The following TBL1X variants were observed in gnomAD, a reference collection of about 807,000 sequenced individuals.
The protein encoded by TBL1X is F-box-like/WD repeat-containing protein TBL1X.
Under a neutral mutation model 50.7 loss-of-function variants are expected in TBL1X, and 10 were observed. The ratio of observed to expected loss-of-function variants is 0.20; its 90% confidence interval spans 0.12 to 0.33. TBL1X has a LOEUF of 0.33. TBL1X is among the 10% of genes least tolerant of loss of function. The pLI, the probability that TBL1X is intolerant of heterozygous loss-of-function variation, is 1.00. For missense variants in TBL1X, 340 were observed against 504.4 expected (o/e 0.67, Z 3.12); for synonymous variants, 190 against 214.7 (o/e 0.88, Z 1.01).
chrX:9,632,634 A>G (rs1307277248), intron 2 of TBL1X, among the ~76,000 whole-genome samples: 1 of 111,890 alleles, frequency 8.9e-6, no homozygotes, highest in Non-Finnish European at 1.9e-5. Context: ...GTGTTTTATT[A>G]ATGAACACTA....
intron 2 of TBL1X, among the ~76,000 whole-genome samples, chrX:9,505,766 A>G (rs1373631513): frequency 5.3e-5 from 6 of 112,506 alleles, no homozygotes; most frequent in African/African-American, 1.9e-4. Flanking sequence ...CTAAATGTAT[A>G]TATATGCACC....
chrX:9,501,438 T>C (rs1042399797), intron 1 of TBL1X, among the ~76,000 whole-genome samples: 3 of 111,777 alleles, frequency 2.7e-5, no homozygotes, highest in African/African-American at 9.8e-5. Flanking sequence ...AGCTTTATGA[T>C]TGAGTTTGGG....
At position 9,656,974 on chromosome X, in the gene TBL1X, G is replaced by A. The variant is rs566531113; in HGVS notation, c.211+2652G>A. ...TTCCCTGATCATGCTTCCTCCTCAA[G>A]CACCTGTACTCTTACTCCTGCACCC... On this transcript the variant is annotated intron_variant, in intron 5 of 17. Coordinates refer to ENST00000645353, the MANE Select transcript of TBL1X (RefSeq NM_005647.4). Among the ~76,000 whole-genome samples the A allele has an allele frequency of 5.4e-5, 6 of 111,760 alleles. No individual in the cohort carries two copies. The South Asian group carries it at 1.1e-3, about 21-fold the overall frequency.
intron 16 of TBL1X, among the ~76,000 whole-genome samples, chrX:9,714,306 G>A (rs2083265522): frequency 8.9e-6 from 1 of 112,372 alleles, no homozygotes; most frequent in East Asian, 2.8e-4. Flanking sequence ...ATGAATTACA[G>A]TCAATTTAAT....
chrX:9,591,028 A>C (rs1182111605), intron 2 of TBL1X, among the ~76,000 whole-genome samples: 2 of 109,613 alleles, frequency 1.8e-5, no homozygotes, highest in Non-Finnish European at 3.8e-5. Context: ...GGAAAGGAGT[A>C]ATCTACCAGG....
At chrX:9,493,927 C>T (rs182366172) in intron 1 of TBL1X, among the ~76,000 whole-genome samples, 1 of 111,941 alleles carries the variant, frequency 8.9e-6, no homozygotes, top group East Asian at 2.8e-4. Flanking sequence ...CCCCGTGACA[C>T]TGGTCCCAGG....
At chrX:9,666,700 C>T (rs1411816415) in intron 5 of TBL1X, among the ~76,000 whole-genome samples, 1 of 111,282 alleles carries the variant, frequency 9.0e-6, no homozygotes, top group African/African-American at 3.3e-5. Flanking sequence ...TGGAATTAGC[C>T]AGGTGCCCTA....
intron 2 of TBL1X, among the ~76,000 whole-genome samples, chrX:9,598,821 G>A (rs1293621452): frequency 9.0e-6 from 1 of 111,323 alleles, no homozygotes; most frequent in African/African-American, 3.3e-5. Flanking sequence ...AGTCTTTGGT[G>A]TCCCTTGGCT....
At chrX:9,583,922 G>T (rs957231234) in intron 2 of TBL1X, among the ~76,000 whole-genome samples, 22 of 111,913 alleles carry the variant, frequency 2.0e-4, no homozygotes, top group Non-Finnish European at 3.4e-4. Context: ...AGCAGGCCAT[G>T]AGAAAAATGA....
In TBL1X at chrX:9,667,517, T is replaced by G. The variant is rs1439778708; in HGVS notation, c.211+13195T>G. 5.3e-5 allele frequency among the ~76,000 whole-genome samples: 6 copies of G among 112,422 alleles called. No individual in the cohort carries two copies. The South Asian group carries it at 2.2e-3, about 41-fold the overall frequency. On this transcript the variant is annotated intron_variant, in intron 5 of 17. Transcript: ENST00000645353. ...GGGTTTTAAAAGGTTTTTGAAAATT[T>G]TACCTGATGGTCAAACGAATTAAGA... is the stretch of plus-strand genomic sequence containing the variant.
chrX:9,603,609 T>C (rs2082567713), intron 2 of TBL1X, among the ~76,000 whole-genome samples: 1 of 111,523 alleles, frequency 9.0e-6, no homozygotes, highest in Non-Finnish European at 1.9e-5. Flanking sequence ...TAGAGCTCAG[T>C]AGAGGGGCCG....
chrX:9,715,763 T>A lies in TBL1X; in HGVS notation c.1708-457T>A, dbSNP rs148383073. Among the ~76,000 whole-genome samples, 30 of 111,719 alleles carry A rather than the reference T, an allele frequency of 2.7e-4. 1 individual carries two copies. In the East Asian group the frequency reaches 7.6e-3, roughly 28 times the overall value. On this transcript the variant is annotated intron_variant, in intron 17 of 17. Coordinates refer to ENST00000645353, the MANE Select transcript of TBL1X (RefSeq NM_005647.4). Reference sequence around the variant, plus strand: ...GCCATCCTGCAGGTCTCCTGGGCCCTCTTCTCTTCCCATGGGGCATCTGGA... The same window carrying A: ...GCCATCCTGCAGGTCTCCTGGGCCCACTTCTCTTCCCATGGGGCATCTGGA...
chrX:9,634,362 A>G lies in TBL1X; in HGVS notation c.-130-5911A>G, dbSNP rs767006843. On this transcript the variant is annotated intron_variant, in intron 2 of 17. Coordinates refer to ENST00000645353, the MANE Select transcript of TBL1X (RefSeq NM_005647.4). The stretch of plus-strand genomic sequence containing the variant: ...CTCACACGCTCCTGTACACATGGAA[A>G]CCACCACTGCCGTCGGACACAGTGT... 9.9e-5 allele frequency among the ~76,000 whole-genome samples: 11 copies of G among 111,240 alleles called. No homozygotes were observed. In the South Asian group the frequency reaches 4.2e-3, roughly 43 times the overall value.
chrX:9,630,377 C>T (rs532300556), intron 2 of TBL1X, among the ~76,000 whole-genome samples: 1 of 111,454 alleles, frequency 9.0e-6, no homozygotes, highest in South Asian at 3.7e-4. Context: ...AGTCATCCCT[C>T]GGTATCTGTG....
chrX:9,492,871 G>A (rs868343042), intron 1 of TBL1X, among the ~76,000 whole-genome samples: 2 of 53,869 alleles, frequency 3.7e-5, no homozygotes, highest in South Asian at 9.1e-4. Flanking sequence ...GTGTGTGTGT[G>A]TGTGTGTGTG....
chrX:9,492,983 T>C (rs1337578122), intron 1 of TBL1X, among the ~76,000 whole-genome samples: 2 of 109,283 alleles, frequency 1.8e-5, no homozygotes, highest in Non-Finnish European at 3.8e-5. Context: ...GATTTTGGCA[T>C]TGGCTGGGTT....
intron 12 of TBL1X, among the ~76,000 whole-genome samples, chrX:9,703,365 C>T (rs906687682): frequency 2.7e-5 from 3 of 111,015 alleles, no homozygotes; most frequent in Non-Finnish European, 3.8e-5. Context: ...CCTTCTGTCT[C>T]GGCATCGCAT....
intron 2 of TBL1X, among the ~76,000 whole-genome samples, chrX:9,609,336 G>GGTGTGTGTGTGTGTGTGTGTGTGTGT (rs775969638): frequency 1.1e-5 from 1 of 94,774 alleles, no homozygotes; most frequent in African/African-American, 4.1e-5. Context: ...TTTTCTTCCA[G>GGTGTGTGTGTGTGTGTGTGTGTGTGT]GTGTGTGTGT....
intron 5 of TBL1X, among the ~76,000 whole-genome samples, chrX:9,662,555 A>G (rs2082904739): frequency 8.9e-6 from 1 of 111,809 alleles, no homozygotes. Flanking sequence ...TTGCTGGGGG[A>G]TGGGGAGAAG....
Sources: allele counts gnomAD v4.1 joint callset (sites outside exome capture counted in the v4.1 genomes callset), GRCh38; gene constraint gnomAD v4.1.1; transcripts MANE v1.5; gene names NCBI Gene and HGNC (gene_info 2026-07-23, HGNC 2026-07-21).